Variants in RABGAP1 observed in about 807,000 individuals in gnomAD.
The protein encoded by RABGAP1 is RAB GTPase activating protein 1.
Under a neutral mutation model 137.6 loss-of-function variants are expected in RABGAP1, and 23 were observed. The ratio of observed to expected loss-of-function variants is 0.17; its 90% CI spans 0.12 to 0.24. The LOEUF (loss-of-function observed/expected upper bound fraction) is 0.24, where lower values mean the gene tolerates loss of function less well. RABGAP1 is among the 10% of genes least tolerant of loss of function. The probability of loss-of-function intolerance (pLI) is 1.00; values close to 1 mark genes in which losing one functional copy is unlikely to be tolerated. For missense variants in RABGAP1, 906 were observed against 1,275.8 expected, an observed-to-expected ratio of 0.71 and a Z score of 4.42; for synonymous variants, 451 against 450.7, an observed-to-expected ratio of 1.00 and a Z score of -0.01.
intron 21 of RABGAP1, 99 bp from the exon 22 acceptor site, chr9:123,097,640 CAG>C (rs1282837376): frequency 1.8e-5 from 18 of 975,426 alleles, no homozygotes; most frequent in South Asian, 1.8e-4. Context: ...CTCTCTGAAT[CAG>C]AGTTTCCCCA....
intron 13 of RABGAP1, among the ~76,000 whole-genome samples, chr9:123,051,102 T>C (rs2132059795): frequency 6.6e-6 from 1 of 150,394 alleles, no homozygotes; most frequent in East Asian, 2.0e-4. Context: ...TTGAAAAGAA[T>C]ACTCAATTTT....
chr9:122,957,049 A>C lies in RABGAP1; in HGVS notation c.-11A>C. The C allele has an allele frequency of 2.0e-6, 3 of 1,491,714 alleles. No homozygotes were observed. Among genetic ancestry groups the C allele is most frequent in the Non-Finnish European group, 2.7e-6 (3 of 1,101,284 alleles). 92.4% of individuals were successfully genotyped at this position (1,491,714 alleles called of 1,614,324 possible). A position where few individuals can be genotyped will look rare whatever the true frequency, so the allele number is the denominator to read the frequency against. On this transcript the variant is annotated 5_prime_UTR_variant, in exon 2 of 26. Coordinates refer to ENST00000373647, the MANE Select transcript of RABGAP1 (RefSeq NM_012197.4). ...TTTAATCATTCATGTGTTGAGACTC[A>C]TTCTTGAGTTATGGATGACAAGGCT... is the stretch of plus-strand genomic sequence containing the variant.
intron 14 of RABGAP1, among the ~76,000 whole-genome samples, chr9:123,069,092 A>G (rs2034272506): frequency 6.6e-6 from 1 of 152,230 alleles, no homozygotes; most frequent in African/African-American, 2.4e-5. Context: ...GAACTAAAAA[A>G]CCAAAGAGTA....
chr9:123,093,604 T>C (rs950270866), intron 21 of RABGAP1, among the ~76,000 whole-genome samples: 1 of 152,242 alleles, frequency 6.6e-6, no homozygotes, highest in African/African-American at 2.4e-5. Context: ...GGCCCCTTTA[T>C]TAAAAATCAA....
chr9:122,993,184 T>C (rs1836832426), intron 6 of RABGAP1, among the ~76,000 whole-genome samples: 1 of 152,172 alleles, frequency 6.6e-6, no homozygotes, highest in African/African-American at 2.4e-5. Flanking sequence ...AGATTTACTG[T>C]GGTTTTACTT....
chr9:122,966,273 C>G (rs1451501987), intron 2 of RABGAP1, among the ~76,000 whole-genome samples: 1 of 152,076 alleles, frequency 6.6e-6, no homozygotes, highest in East Asian at 1.9e-4. Context: ...GCCTGTAATC[C>G]CAGCACTATG....
rs763289286 is a variant in RABGAP1 at position 123,035,711 on chromosome 9, C to T, written c.1794+15252C>T. 435 of 793,202 alleles carry T rather than the reference C, an allele frequency of 5.5e-4. 1 individual carries two copies. In the Middle Eastern group the frequency reaches 8.6e-3, roughly 16 times the overall value. The allele number at this position is 793,202 out of a possible 1,614,324, so 49.1% of individuals were successfully genotyped here. A position where few individuals can be genotyped will look rare whatever the true frequency, so the allele number is the denominator to read the frequency against. On this transcript the variant is annotated intron_variant, in intron 13 of 25. Transcript: ENST00000373647. ...TTTATCTCTAAGTATTCCTAATTCA[C>T]TAGGAAATCTGGGACAGAATACTTT...
chr9:123,059,178 G>A (rs979199795), intron 13 of RABGAP1, among the ~76,000 whole-genome samples: 2 of 152,108 alleles, frequency 1.3e-5, no homozygotes, highest in African/African-American at 4.8e-5. Context: ...AATCAGACAC[G>A]GTTGTGCCAG....
intron 13 of RABGAP1, among the ~76,000 whole-genome samples, chr9:123,058,001 C>G (rs1392871427): frequency 2.0e-5 from 3 of 148,494 alleles, no homozygotes; most frequent in Non-Finnish European, 4.5e-5. Flanking sequence ...GAGACGGCAG[C>G]AGCACAGTCC....
chr9:123,020,585 A>T, intron 13 of RABGAP1, 126 bp downstream of exon 13: 1 of 991,886 alleles, frequency 1.0e-6, no homozygotes, highest in Non-Finnish European at 1.3e-6. Context: ...AACTGTTAAT[A>T]CTTCCAGCTC....
intron 13 of RABGAP1, among the ~76,000 whole-genome samples, chr9:123,046,933 GA>G (rs1160444002): frequency 6.6e-6 from 1 of 152,170 alleles, no homozygotes; most frequent in African/African-American, 2.4e-5. Context: ...CACAAACAGG[GA>G]AAGAGAGACC....
chr9:123,078,686 T>A (rs1362126865), intron 19 of RABGAP1, among the ~76,000 whole-genome samples: 1 of 152,196 alleles, frequency 6.6e-6, no homozygotes, highest in Non-Finnish European at 1.5e-5. Flanking sequence ...AAAATCCCCT[T>A]TCTCAGTGTC....
Position 123,104,161 on chromosome 9 carries a change from T to C in RABGAP1, c.*948T>C, listed in dbSNP as rs2035432990. Reference sequence around the variant, plus strand: ...CTCTCCTCCCTGCCATTACGGGAGCTGTGGACAGAGCTCCCTCACTTCAAG... The same window carrying C: ...CTCTCCTCCCTGCCATTACGGGAGCCGTGGACAGAGCTCCCTCACTTCAAG... On this transcript the variant is annotated 3_prime_UTR_variant, in exon 26 of 26. Coordinates refer to ENST00000373647, the MANE Select transcript of RABGAP1 (RefSeq NM_012197.4). 2 of 152,604 alleles carry C rather than the reference T, an allele frequency of 1.3e-5. No homozygotes were observed. The highest frequency in any genetic ancestry group is 2.4e-5 in the African/African-American group (1 of 41,438). 9.5% of individuals were successfully genotyped at this position (152,604 alleles called of 1,614,324 possible).
chr9:122,960,228 C>T (rs544750230), intron 2 of RABGAP1, among the ~76,000 whole-genome samples: 75 of 152,252 alleles, frequency 4.9e-4, no homozygotes, highest in Non-Finnish European at 9.6e-4. Flanking sequence ...CAACCCTTGA[C>T]CTCTGGAACT....
At position 123,005,077 on chromosome 9, in the gene RABGAP1, A is replaced by G. The variant is rs988859356; in HGVS notation, c.1375-5277A>G. On this transcript the variant is annotated intron_variant, in intron 10 of 25. Transcript: ENST00000373647. ...ATCTCAAAAAAAAAAAAAAAAAAAA[A>G]CTAAAAAAGTCTTGCAGTTAATAAT... Among the ~76,000 whole-genome samples the G allele has an allele frequency of 3.1e-3, 409 of 130,202 alleles. 2 individuals are homozygous for G. Among genetic ancestry groups the G allele is most frequent in the African/African-American group, 0.011 (388 of 36,738 alleles). The allele number at this position is 130,202 out of a possible 152,430, so 85.4% of individuals were successfully genotyped here. A position where few individuals can be genotyped will look rare whatever the true frequency, so the allele number is the denominator to read the frequency against.
At chr9:123,006,488 T>C (rs1399852096) in intron 10 of RABGAP1, among the ~76,000 whole-genome samples, 2 of 152,252 alleles carry the variant, frequency 1.3e-5, no homozygotes, top group Non-Finnish European at 2.9e-5. Flanking sequence ...TGATTTGAAA[T>C]GCTACACTTA....
intron 6 of RABGAP1, among the ~76,000 whole-genome samples, chr9:122,991,543 G>A (rs148292237): frequency 1.9e-3 from 295 of 151,544 alleles, no homozygotes; most frequent in African/African-American, 6.3e-3. Flanking sequence ...ACTTTGAGGA[G>A]TAAAGTATGA....
chr9:123,051,484 T>C (rs967289043), intron 13 of RABGAP1, among the ~76,000 whole-genome samples: 1 of 151,240 alleles, frequency 6.6e-6, no homozygotes, highest in African/African-American at 2.4e-5. Flanking sequence ...CGACCTTAGG[T>C]GATCTGCCCG....
chr9:122,952,061 T>C (rs1834280640), intron 1 of RABGAP1, among the ~76,000 whole-genome samples: 1 of 152,130 alleles, frequency 6.6e-6, no homozygotes, highest in Non-Finnish European at 1.5e-5. Context: ...ATAAAAGTAG[T>C]GAAAGAGTAG....
Sources: gnomAD v4.1 joint callset for allele counts (sites outside exome capture counted in the v4.1 genomes callset) on GRCh38, gnomAD v4.1.1 for gene constraint, MANE v1.5 for transcripts, NCBI Gene and HGNC (gene_info 2026-07-23, HGNC 2026-07-21) for gene names.